The following TAF4B variants were observed in gnomAD, a reference collection of about 807,000 sequenced individuals.
The protein encoded by TAF4B is TATA-box binding protein associated factor 4b.
TAF4B carries 38 observed loss-of-function variants against 86.4 expected under a neutral mutation model. That is an observed-to-expected ratio of 0.44 (90% CI 0.34 to 0.58). The LOEUF (loss-of-function observed/expected upper bound fraction) is 0.58. TAF4B is among the 20% of genes least tolerant of loss of function. The probability of loss-of-function intolerance (pLI) is 0.02; values close to 1 mark genes in which losing one functional copy is unlikely to be tolerated. For synonymous variants in TAF4B, 388 were observed against 391.2 expected (o/e 0.99, Z 0.10); for missense variants, 988 against 1,027.6 (o/e 0.96, Z 0.53).
At chr18:26,318,295 A>G (rs2056931568) in intron 10 of TAF4B, among the ~76,000 whole-genome samples, 1 of 152,074 alleles carries the variant, frequency 6.6e-6, no homozygotes, top group Admixed American at 6.6e-5. Flanking sequence ...TTAGTGATGA[A>G]GTACAAACCT....
In TAF4B at chr18:26,343,296, G is replaced by A. The variant is rs114913543; in HGVS notation, c.2316+8065G>A. On this transcript the variant is annotated intron_variant, in intron 13 of 14. Transcript: ENST00000269142. ...CTGGGAAGATGACAGAGAGGGAGGA[G>A]CTCAGGAAAGCAACCCCATGTGATT... Among the ~76,000 whole-genome samples, 729 of 152,284 alleles carry A rather than the reference G, an allele frequency of 4.8e-3. 7 individuals are homozygous for A. Among genetic ancestry groups the A allele is most frequent in the African/African-American group, 0.017 (690 of 41,558 alleles).
intron 6 of TAF4B, among the ~76,000 whole-genome samples, chr18:26,285,222 G>GTTTTTTTTTTTTCTTTTTTTTTTTTT (rs2056501259): frequency 2.2e-5 from 1 of 45,660 alleles, no homozygotes; most frequent in Non-Finnish European, 4.5e-5. Context: ...TTTTTTTTTT[G>GTTTTTTTTTTTTCTTTTTTTTTTTTT]TTTTTTTTTT....
chr18:26,227,163 G>C lies in TAF4B; in HGVS notation c.230G>C (p.Ser77Thr), dbSNP rs770714283. ...CTGGTGACCAAAGTGGCTCCGGTCA[G>C]CGCCCCTCCTAAAGTCAGCAGCGGC... ...GTLVTKVAPV[S>T]APPKVSSGPR... is the part of the protein sequence containing the mutation. The change falls in exon 1 of 15, where the codon AGC becomes ACC. Residue 77 changes from serine to threonine, a missense_variant. Around this residue, in one of 3 missense-constraint regions of TAF4B, gnomAD observed 747 missense variants for 737.9 expected, o/e 1.01. Coordinates refer to ENST00000269142, the MANE Select transcript of TAF4B (RefSeq NM_005640.3). The C allele has an allele frequency of 3.1e-6, 5 of 1,613,990 alleles. No homozygotes were observed. In the African/African-American group the frequency reaches 4.0e-5, roughly 13 times the overall value.
intron 11 of TAF4B, among the ~76,000 whole-genome samples, chr18:26,325,557 G>A (rs1372777742): frequency 6.6e-6 from 1 of 152,132 alleles, no homozygotes; most frequent in African/African-American, 2.4e-5. Context: ...ATATGAGTTG[G>A]GGGAGAGAGA....
intron 9 of TAF4B, chr18:26,295,375 G>T: frequency 5.4e-6 from 1 of 185,326 alleles, no homozygotes. Context: ...TGATTTCTTG[G>T]AAGGCAATTT....
At chr18:26,334,269 C>T (rs2144696375) in intron 12 of TAF4B, among the ~76,000 whole-genome samples, 2 of 152,190 alleles carry the variant, frequency 1.3e-5, no homozygotes, top group African/African-American at 4.8e-5. Context: ...ACCAAAGGTT[C>T]TGGTAAATCA....
chr18:26,387,894 CT>C (rs1294482719), intron 14 of TAF4B, among the ~76,000 whole-genome samples: 2 of 152,178 alleles, frequency 1.3e-5, no homozygotes, highest in Non-Finnish European at 2.9e-5. Context: ...TAAAGTACCC[CT>C]AAGTCATGCT....
chr18:26,287,591 T>A (rs2056540847), intron 7 of TAF4B, among the ~76,000 whole-genome samples: 1 of 152,264 alleles, frequency 6.6e-6, no homozygotes, highest in Admixed American at 6.5e-5. Context: ...TAATTAAAAA[T>A]CATAACGTTT....
chr18:26,315,172 C>T, intron 9 of TAF4B, 57 bp from the exon 10 acceptor site: 1 of 963,640 alleles, frequency 1.0e-6, no homozygotes, highest in Non-Finnish European at 1.5e-6. Context: ...CACACACACA[C>T]ACACACACAC....
At chr18:26,335,308 G>A in intron 13 of TAF4B, 77 bp downstream of exon 13, 2 of 1,318,572 alleles carry the variant, frequency 1.5e-6, no homozygotes, top group East Asian at 4.6e-5. Context: ...ATTAGGTCAG[G>A]GTTTATTTTG....
intron 5 of TAF4B, among the ~76,000 whole-genome samples, chr18:26,279,944 C>T (rs553203301): frequency 3.0e-4 from 46 of 151,590 alleles, no homozygotes; most frequent in Admixed American, 6.6e-4. Flanking sequence ...CTCAGGAGGC[C>T]GAGGCAGGGG....
rs1239236454 is a variant in TAF4B at position 26,226,684 on chromosome 18, C to G, written c.-250C>G. 7.9e-6 allele frequency: 3 copies of G among 377,566 alleles called. No individual in the cohort carries two copies. The highest frequency in any genetic ancestry group is 4.6e-5 in the Admixed American group (1 of 21,524). 23.4% of individuals were successfully genotyped at this position (377,566 alleles called of 1,614,324 possible). ...GCACGTGTGAGCGCCGCTGAGGAAGCTGCGAGAGGTCGGGCGGGTGTCGCT... is the reference window on the plus strand; with the variant it reads ...GCACGTGTGAGCGCCGCTGAGGAAGGTGCGAGAGGTCGGGCGGGTGTCGCT... On this transcript the variant is annotated 5_prime_UTR_variant, in exon 1 of 15. Transcript: ENST00000269142.
intron 10 of TAF4B, among the ~76,000 whole-genome samples, chr18:26,317,304 T>TA (rs1568149658): frequency 6.6e-6 from 1 of 152,296 alleles, no homozygotes; most frequent in African/African-American, 2.4e-5. Context: ...ATGCTGGGGT[T>TA]ACAGTCGTGA....
intron 5 of TAF4B, among the ~76,000 whole-genome samples, chr18:26,278,632 T>C (rs1363790978): frequency 7.6e-6 from 1 of 131,526 alleles, no homozygotes; most frequent in Non-Finnish European, 1.7e-5. Context: ...TTTTTTTTTT[T>C]CTCCAAGCAC....
At chr18:26,262,425 A>G (rs1028212707) in intron 1 of TAF4B, among the ~76,000 whole-genome samples, 14 of 151,406 alleles carry the variant, frequency 9.2e-5, no homozygotes, top group African/African-American at 3.2e-4. Flanking sequence ...GTTTTAGCAG[A>G]TCTCCAATAA....
chr18:26,344,894 C>A (rs2057164102), intron 13 of TAF4B, among the ~76,000 whole-genome samples: 1 of 152,128 alleles, frequency 6.6e-6, no homozygotes, highest in East Asian at 1.9e-4. Flanking sequence ...CATCTACAGT[C>A]CTGTCTTCCC....
chr18:26,341,705 A>G (rs2057138314), intron 13 of TAF4B, among the ~76,000 whole-genome samples: 12 of 152,118 alleles, frequency 7.9e-5, no homozygotes, highest in Admixed American at 7.9e-4. Context: ...TTGGGAGAAA[A>G]AAAAATAGAT....
intron 6 of TAF4B, 127 bp downstream of exon 6, chr18:26,282,187 A>G (rs2056458793): frequency 1.3e-6 from 1 of 750,788 alleles, no homozygotes; most frequent in Non-Finnish European, 2.2e-6. Context: ...GAAACCTCTG[A>G]GTGCTTTTGT....
chr18:26,340,838 G>A (rs2057129949), intron 13 of TAF4B, among the ~76,000 whole-genome samples: 2 of 152,018 alleles, frequency 1.3e-5, no homozygotes, highest in Non-Finnish European at 2.9e-5. Flanking sequence ...CTGAGATTTG[G>A]CCTCTTGAAC....
Sources: allele counts gnomAD v4.1 joint callset (sites outside exome capture counted in the v4.1 genomes callset), GRCh38; gene constraint gnomAD v4.1.1; regional missense constraint gnomAD v4.1.1; transcripts MANE v1.5; gene names NCBI Gene and HGNC (gene_info 2026-07-23, HGNC 2026-07-21).